BRINP3: variants seen among roughly 807,000 people sequenced by gnomAD.
BRINP3 encodes BMP/retinoic acid-inducible neural-specific protein 3.
A neutral mutation model predicts 71.0 loss-of-function variants in BRINP3; 19 were observed. The observed-to-expected ratio is 0.27, with a 90% CI of 0.19 to 0.39. BRINP3 has a LOEUF of 0.39. Among genes scored for constraint, BRINP3 ranks in the 10% least tolerant of loss-of-function variants. The probability of loss-of-function intolerance (pLI) is 1.00; values close to 1 mark genes in which losing one functional copy is unlikely to be tolerated. For synonymous variants in BRINP3, 380 were observed against 337.7 expected, an observed-to-expected ratio of 1.13 and a Z score of -1.37; for missense variants, 959 against 940.8, an observed-to-expected ratio of 1.02 and a Z score of -0.25.
intron 7 of BRINP3, among the ~76,000 whole-genome samples, chr1:190,103,770 A>C (rs1192178683): frequency 1.3e-5 from 2 of 152,080 alleles, no homozygotes; most frequent in East Asian, 1.9e-4. Flanking sequence ...TATGTACAAT[A>C]AAATTTATAA....
chr1:190,265,206 A>G, intron 3 of BRINP3, 151 bp from the exon 4 acceptor site: 1 of 667,768 alleles, frequency 1.5e-6, no homozygotes, highest in South Asian at 2.2e-5. Flanking sequence ...TTGGTCACAG[A>G]TATTTCTCAA....
At chr1:190,226,401 C>T (rs1571418079) in intron 5 of BRINP3, 83 bp from the exon 6 acceptor site, 1 of 740,046 alleles carries the variant, frequency 1.4e-6, no homozygotes, top group Non-Finnish European at 2.0e-6. Flanking sequence ...TCAATCAAAA[C>T]AGTAAATAAT....
rs746851050 is a variant in BRINP3 at position 190,277,113 on chromosome 1, A to ATATATATATATATATT, written c.427+4446_427+4447insAATATATATATATATA. 3.3e-3 allele frequency among the ~76,000 whole-genome samples: 352 copies of ATATATATATATATATT among 107,418 alleles called. 6 individuals are homozygous for ATATATATATATATATT. Among genetic ancestry groups the ATATATATATATATATT allele is most frequent in the East Asian group, 5.6e-3 (17 of 3,054 alleles). 70.5% of individuals were successfully genotyped at this position (107,418 alleles called of 152,430 possible). On this transcript the variant is annotated intron_variant, in intron 3 of 7. Transcript: ENST00000367462. The stretch of plus-strand genomic sequence containing the variant: ...TATATATATATATATATATATATAT[A>ATATATATATATATATT]TATATTTATATTCAGAAAAGAAAAC...
chr1:190,214,715 G>A (rs1276237426), intron 6 of BRINP3, among the ~76,000 whole-genome samples: 1 of 151,918 alleles, frequency 6.6e-6, no homozygotes, highest in African/African-American at 2.4e-5. Flanking sequence ...AGTGTTGGAA[G>A]AAGACATAGC....
At chr1:190,331,112 A>T (rs929472994) in intron 2 of BRINP3, among the ~76,000 whole-genome samples, 3 of 152,064 alleles carry the variant, frequency 2.0e-5, no homozygotes, top group African/African-American at 7.2e-5. Flanking sequence ...AATAAAATTT[A>T]AAAACTCTAT....
intron 2 of BRINP3, among the ~76,000 whole-genome samples, chr1:190,371,627 T>C (rs749676249): frequency 2.6e-5 from 4 of 152,202 alleles, no homozygotes; most frequent in African/African-American, 4.8e-5. Context: ...AGGGGTATTC[T>C]TTTTGCTCAA....
chr1:190,240,432 T>A (rs537901889), intron 4 of BRINP3, among the ~76,000 whole-genome samples: 1 of 152,240 alleles, frequency 6.6e-6, no homozygotes, highest in Non-Finnish European at 1.5e-5. Context: ...CCCATAGGTC[T>A]ACTTGCAAAA....
At chr1:190,117,557 G>T (rs961980367) in intron 7 of BRINP3, among the ~76,000 whole-genome samples, 24 of 151,874 alleles carry the variant, frequency 1.6e-4, no homozygotes, top group African/African-American at 5.8e-4. Flanking sequence ...GGGGAAGCAG[G>T]TGTTTTAGAA....
At chr1:190,472,355 A>G (rs1012188182) in intron 1 of BRINP3, among the ~76,000 whole-genome samples, 1 of 151,678 alleles carries the variant, frequency 6.6e-6, no homozygotes, top group East Asian at 1.9e-4. Context: ...ACGATGTGAA[A>G]GAAAAAAACA....
intron 2 of BRINP3, among the ~76,000 whole-genome samples, chr1:190,453,545 G>A (rs1339784662): frequency 6.6e-6 from 1 of 152,008 alleles, no homozygotes; most frequent in Non-Finnish European, 1.5e-5. Context: ...AAAAAATAGA[G>A]TAAATCTTTT....
chr1:190,283,908 T>G (rs1022564946), intron 2 of BRINP3, among the ~76,000 whole-genome samples: 1 of 151,762 alleles, frequency 6.6e-6, no homozygotes, highest in Non-Finnish European at 1.5e-5. Context: ...AACTTGACCT[T>G]AAAGCTGTGA....
chr1:190,206,704 G>A (rs1655531503), intron 6 of BRINP3, among the ~76,000 whole-genome samples: 1 of 152,004 alleles, frequency 6.6e-6, no homozygotes, highest in African/African-American at 2.4e-5. Flanking sequence ...GTTCAGTTCT[G>A]AATTCCAATG....
chr1:190,343,993 A>G (rs1667842622), intron 2 of BRINP3, among the ~76,000 whole-genome samples: 1 of 151,746 alleles, frequency 6.6e-6, no homozygotes, highest in Non-Finnish European at 1.5e-5. Flanking sequence ...TATACACAAT[A>G]TCATGAGTAG....
At chr1:190,222,373 C>T (rs761695853) in intron 6 of BRINP3, among the ~76,000 whole-genome samples, 3 of 151,108 alleles carry the variant, frequency 2.0e-5, no homozygotes, top group Non-Finnish European at 3.0e-5. Flanking sequence ...AACAAAAATA[C>T]AACAAACCAA....
chr1:190,192,043 C>G (rs1432105805), intron 6 of BRINP3, among the ~76,000 whole-genome samples: 2 of 152,032 alleles, frequency 1.3e-5, no homozygotes, highest in African/African-American at 4.8e-5. Context: ...TATTATTTCA[C>G]TAATTTAGCT....
chr1:190,258,439 C>G (rs1483043107), intron 4 of BRINP3, among the ~76,000 whole-genome samples: 2 of 151,330 alleles, frequency 1.3e-5, no homozygotes, highest in African/African-American at 4.9e-5. Flanking sequence ...CAACAAAATA[C>G]AGAAAATTCA....
chr1:190,395,144 C>T (rs962081425), intron 2 of BRINP3, among the ~76,000 whole-genome samples: 2 of 151,710 alleles, frequency 1.3e-5, no homozygotes, highest in African/African-American at 4.8e-5. Context: ...ATTGTTTACT[C>T]AGGCTGCCAC....
chr1:190,098,508 G>T lies in BRINP3; in HGVS notation c.1811C>A (p.Pro604His). 1 of 1,614,058 alleles carries T rather than the reference G, an allele frequency of 6.2e-7. No individual in the cohort carries two copies. Among genetic ancestry groups the T allele is most frequent in the Non-Finnish European group, 8.5e-7 (1 of 1,180,010 alleles). ...PDWERTKLDL[P>H]LQCYNWTLTL... The stretch of plus-strand genomic sequence containing the variant: ...TAATGTCCAGTTATAACACTGCAGG[G>T]GTAGGTCCAACTTAGTCCGCTCCCA... The change falls in exon 8 of 8, where the codon CCC becomes CAC. Residue 604 changes from proline (P) to histidine (H), a missense_variant. Physicochemically the swap from Pro to His is moderately conservative, Grantham distance 77. Transcript: ENST00000367462.
chr1:190,465,509 G>T (rs79192931), intron 1 of BRINP3, among the ~76,000 whole-genome samples: 1 of 151,734 alleles, frequency 6.6e-6, no homozygotes, highest in African/African-American at 2.4e-5. Flanking sequence ...CTAGATATCC[G>T]TTTGGGTTCC....
Sources: gnomAD v4.1 joint callset for allele counts (sites outside exome capture counted in the v4.1 genomes callset) on GRCh38, gnomAD v4.1.1 for gene constraint, MANE v1.5 for transcripts, NCBI Gene and HGNC (gene_info 2026-07-23, HGNC 2026-07-21) for gene names.